CBR4: variants seen among roughly 807,000 people sequenced by gnomAD.
CBR4 encodes the protein carbonyl reductase 4.
A neutral mutation model predicts 21.0 loss-of-function variants in CBR4; 22 were observed. The observed-to-expected ratio is 1.05, with a 90% CI of 0.75 to 1.50. The LOEUF is 1.50. CBR4 is among the 40% of genes most tolerant of loss of function. The pLI is 0.00. For missense variants in CBR4, 302 were observed against 286.3 expected (o/e 1.05, Z -0.40); for synonymous variants, 100 against 104.4 (o/e 0.96, Z 0.26).
chr4:168,973,518 G>T (rs1164299971), intron 2 of CBR4, among the ~76,000 whole-genome samples: 4 of 152,102 alleles, frequency 2.6e-5, no homozygotes, highest in African/African-American at 9.7e-5. Context: ...CGTAGAGATG[G>T]GGTTTCACCA....
At chr4:168,971,043 T>G (rs1247955749) in intron 2 of CBR4, among the ~76,000 whole-genome samples, 1 of 152,208 alleles carries the variant, frequency 6.6e-6, no homozygotes, top group Non-Finnish European at 1.5e-5. Context: ...TTAAAGAATC[T>G]CCATACTGTT....
At chr4:168,958,911 G>A (rs1189241927) in intron 2 of CBR4, among the ~76,000 whole-genome samples, 1 of 152,102 alleles carries the variant, frequency 6.6e-6, no homozygotes, top group Non-Finnish European at 1.5e-5. Flanking sequence ...CGTTTTAGGA[G>A]TCTGTTATAT....
At chr4:169,006,644 G>C in intron 3 of CBR4, 111 bp downstream of exon 3, 1 of 1,009,658 alleles carries the variant, frequency 9.9e-7, no homozygotes, top group Non-Finnish European at 1.5e-6. Flanking sequence ...TTTTTCCACA[G>C]ATAATATAAA....
chr4:168,979,270 C>T (rs571516164), intron 2 of CBR4, among the ~76,000 whole-genome samples: 3 of 152,052 alleles, frequency 2.0e-5, no homozygotes, highest in South Asian at 2.1e-4. Context: ...CAGGCAGGCC[C>T]GCCATTTTTT....
intron 1 of CBR4, among the ~76,000 whole-genome samples, chr4:169,009,650 A>T (rs1731225210): frequency 6.6e-6 from 1 of 152,248 alleles, no homozygotes; most frequent in South Asian, 2.1e-4. Flanking sequence ...CGTTAGCACT[A>T]GCCGCAGGGC....
intron 4 of CBR4, among the ~76,000 whole-genome samples, chr4:168,992,853 G>T (rs373369569): frequency 6.6e-6 from 1 of 152,030 alleles, no homozygotes; most frequent in Non-Finnish European, 1.5e-5. Flanking sequence ...TGTAATGAAG[G>T]CCTGGAATAA....
chr4:168,992,693 T>G (rs1246412090), intron 4 of CBR4, among the ~76,000 whole-genome samples: 1 of 152,178 alleles, frequency 6.6e-6, no homozygotes, highest in Non-Finnish European at 1.5e-5. Context: ...ACAGTGATTA[T>G]CATTAGATAC....
rs11733251 is a variant in CBR4 at position 168,960,766 on chromosome 4, A to C, written n.169+41305T>G. 4.5e-3 allele frequency among the ~76,000 whole-genome samples: 690 copies of C among 152,154 alleles called. 6 individuals are homozygous for C. Among genetic ancestry groups the C allele is most frequent in the Non-Finnish European group, 6.0e-3 (405 of 68,016 alleles). On this transcript the variant is annotated intron_variant and non_coding_transcript_variant, in intron 2 of 3. Transcript: ENST00000509108. ...ACAAGATTGCCACAAGAAAGAAATA[A>C]GTTTGCTGAGATTTAAAAGTCTTTA...
chr4:168,910,521 G>A (rs182229069), intron 2 of CBR4, among the ~76,000 whole-genome samples: 109 of 152,132 alleles, frequency 7.2e-4, no homozygotes, highest in African/African-American at 2.2e-3. Flanking sequence ...AATTCTAAAG[G>A]ATGCCTCAAA....
At chr4:168,902,534 C>G (rs1324060549) in intron 2 of CBR4, among the ~76,000 whole-genome samples, 1 of 152,070 alleles carries the variant, frequency 6.6e-6, no homozygotes, top group Non-Finnish European at 1.5e-5. Flanking sequence ...CCCAGCTACT[C>G]TGGAGGCTGA....
At chr4:168,910,136 T>C (rs1047658937) in intron 2 of CBR4, among the ~76,000 whole-genome samples, 3 of 152,034 alleles carry the variant, frequency 2.0e-5, no homozygotes, top group Admixed American at 2.0e-4. Flanking sequence ...TATTTGTATA[T>C]ATGGTTCTAA....
rs1759029380 is a variant in CBR4 at position 168,911,845 on chromosome 4, T to C, written n.170-17080A>G. Among the ~76,000 whole-genome samples, 3 of 152,354 alleles carry C rather than the reference T, an allele frequency of 2.0e-5. No individual in the cohort carries two copies. In the South Asian group the frequency reaches 6.2e-4, roughly 32 times the overall value. ...TTCAGGAAACACAGTGTTTTAACTA[T>C]GACCTCAATAGCAAACACCGTGAAT... On this transcript the variant is annotated intron_variant and non_coding_transcript_variant, in intron 2 of 3. Transcript: ENST00000509108.
In CBR4 at chr4:168,970,979, C is replaced by T. The variant is rs146523055; in HGVS notation, n.169+31092G>A. 5.9e-5 allele frequency among the ~76,000 whole-genome samples: 9 copies of T among 152,204 alleles called. No homozygotes were observed. The East Asian group carries it at 1.7e-3, about 29-fold the overall frequency. On this transcript the variant is annotated intron_variant and non_coding_transcript_variant, in intron 2 of 3. Transcript: ENST00000509108. ...TTTTCATAAAATGACTTCTTTTCCT[C>T]TGGGTAGATACCCAGGAGCGGGATT...
At chr4:168,964,745 C>T (rs1056877157) in intron 2 of CBR4, among the ~76,000 whole-genome samples, 3 of 152,166 alleles carry the variant, frequency 2.0e-5, no homozygotes, top group Non-Finnish European at 4.4e-5. Flanking sequence ...AAAGCTCTGT[C>T]AGGAAAGAAG....
chr4:168,954,256 C>CA (rs1478890715), intron 2 of CBR4, among the ~76,000 whole-genome samples: 2 of 152,138 alleles, frequency 1.3e-5, no homozygotes, highest in African/African-American at 4.8e-5. Flanking sequence ...GACAATGAAA[C>CA]AATTCTTTCA....
At chr4:168,951,413 G>A (rs1763537710) in intron 2 of CBR4, among the ~76,000 whole-genome samples, 1 of 152,206 alleles carries the variant, frequency 6.6e-6, no homozygotes, top group Non-Finnish European at 1.5e-5. Flanking sequence ...TTAGTACTGA[G>A]ATGCAATGTA....
intron 2 of CBR4, chr4:168,894,831 AT>A: frequency 8.0e-7 from 1 of 1,251,662 alleles, no homozygotes; most frequent in Non-Finnish European, 1.1e-6. Flanking sequence ...CTCACAGCTA[AT>A]TTTTATTGAG....
rs60552620 is a variant in CBR4, at chr4:169,002,212, C to CAAAAAAA, written c.401-14_401-8dup. The CAAAAAAA allele has an allele frequency of 1.1e-5, 11 of 1,016,974 alleles. No homozygotes were observed. The African/African-American group carries it at 1.9e-4, about 17-fold the overall frequency. 63.0% of individuals were successfully genotyped at this position (1,016,974 alleles called of 1,614,324 possible). A position where few individuals can be genotyped will look rare whatever the true frequency, so the allele number is the denominator to read the frequency against. ...TTTAAGCCAACAATGCTTCCTAGGACAAAAAAAAAAAAAAAAAAAAAAAAA... is the reference window on the plus strand; with the variant it reads ...TTTAAGCCAACAATGCTTCCTAGGACAAAAAAAAAAAAAAAAAAAAAAAAAAAAAAAA... On this transcript the variant is annotated splice_region_variant and splice_polypyrimidine_tract_variant and intron_variant, in intron 3 of 4. Coordinates refer to ENST00000306193, the MANE Select transcript of CBR4 (RefSeq NM_032783.5).
intron 2 of CBR4, among the ~76,000 whole-genome samples, chr4:168,979,078 G>A (rs1006823912): frequency 2.0e-5 from 3 of 151,728 alleles, no homozygotes; most frequent in African/African-American, 4.8e-5. Context: ...CAGAAAAAGA[G>A]GCCACACTAT....
Sources: gnomAD v4.1 joint callset for allele counts (sites outside exome capture counted in the v4.1 genomes callset) on GRCh38, gnomAD v4.1.1 for gene constraint, MANE v1.5 for transcripts, NCBI Gene and HGNC (gene_info 2026-07-23, HGNC 2026-07-21) for gene names.